The following SDK2 variants were observed in gnomAD, a reference collection of about 807,000 sequenced individuals.
The protein encoded by SDK2 is protein sidekick-2.
Under a neutral mutation model 253.9 loss-of-function variants are expected in SDK2, and 105 were observed. That is an observed-to-expected ratio of 0.41 (90% CI 0.35 to 0.49). The LOEUF is 0.49. SDK2 is among the 20% of genes least tolerant of loss of function. The pLI, the probability that SDK2 is intolerant of heterozygous loss-of-function variation, is 0.06. For synonymous variants in SDK2, 1,249 were observed against 1,234.9 expected (o/e 1.01, Z -0.24); for missense variants, 2,608 against 3,003.0 (o/e 0.87, Z 3.07).
At position 73,379,401 on chromosome 17, in the gene SDK2, G is replaced by A; in HGVS notation, c.4864+47C>T. 6.5e-7 allele frequency: 1 copy of A among 1,539,320 alleles called. No homozygotes were observed. Among genetic ancestry groups the A allele is most frequent in the Non-Finnish European group, 8.9e-7 (1 of 1,123,736 alleles). ...CCGTTTCTTCCAGCTGAACTGGGTG[G>A]GGCTGGGAAAGGCATGCTGGGGCCG... is the stretch of plus-strand genomic sequence containing the variant. On this transcript the variant is annotated intron_variant, in intron 35 of 44. Coordinates refer to ENST00000392650, the MANE Select transcript of SDK2 (RefSeq NM_001144952.2). The surrounding 1 kb of genome is among the most constrained non-coding windows in gnomAD (Gnocchi z 4.5).
At chr17:73,562,513 C>A (rs2045251444) in intron 1 of SDK2, among the ~76,000 whole-genome samples, 1 of 152,084 alleles carries the variant, frequency 6.6e-6, no homozygotes, top group African/African-American at 2.4e-5. Context: ...CACGTGGAAT[C>A]TGGGGGAACA....
At chr17:73,603,936 A>C (rs2045874230) in intron 1 of SDK2, among the ~76,000 whole-genome samples, 1 of 152,206 alleles carries the variant, frequency 6.6e-6, no homozygotes, top group African/African-American at 2.4e-5. Flanking sequence ...CCTGGAGAAG[A>C]GGTGTCATAA....
At chr17:73,503,892 T>C (rs2063910045) in intron 2 of SDK2, among the ~76,000 whole-genome samples, 1 of 152,176 alleles carries the variant, frequency 6.6e-6, no homozygotes, top group Non-Finnish European at 1.5e-5. Flanking sequence ...TACTCAGAAA[T>C]CAGGCAGCTA....
intron 1 of SDK2, among the ~76,000 whole-genome samples, chr17:73,597,649 C>CTTT (rs762635491): frequency 7.0e-6 from 1 of 142,434 alleles, no homozygotes; most frequent in Non-Finnish European, 1.5e-5. Context: ...ATTTTCTTTT[C>CTTT]TTTTTTTTTT....
chr17:73,399,370 G>T (rs1166644169), intron 21 of SDK2, 81 bp from the exon 22 acceptor site: 11 of 1,444,336 alleles, frequency 7.6e-6, no homozygotes, highest in Non-Finnish European at 9.6e-6. Context: ...GGCATGGAGG[G>T]GGCTGTGTGT....
chr17:73,384,739 C>T (rs67818535), intron 32 of SDK2, among the ~76,000 whole-genome samples: 26,516 of 152,178 alleles, frequency 0.17, 2,635 homozygotes, highest in Middle Eastern at 0.28. Context: ...TCGTGTGAAG[C>T]TGGGAGGCGG....
chr17:73,379,607 G>C lies in SDK2; in HGVS notation c.4763-58C>G. On this transcript the variant is annotated intron_variant, in intron 34 of 44. Coordinates refer to ENST00000392650, the MANE Select transcript of SDK2 (RefSeq NM_001144952.2). This position sits in a 1 kb window ranked among gnomAD's most constrained non-coding sequence, Gnocchi z 4.5. ...TGAGGTCACCGTCATTGCTGGGAAGGTGTCCCCAGGGAGGGTGGAGGCTGC... is the reference window on the plus strand; with the variant it reads ...TGAGGTCACCGTCATTGCTGGGAAGCTGTCCCCAGGGAGGGTGGAGGCTGC... The C allele has an allele frequency of 1.8e-6, 2 of 1,081,764 alleles. No individual in the cohort carries two copies. The highest frequency in any genetic ancestry group is 2.8e-6 in the Non-Finnish European group (2 of 720,934). The allele number at this position is 1,081,764 out of a possible 1,614,324, so 67.0% of individuals were successfully genotyped here. A position where few individuals can be genotyped will look rare whatever the true frequency, so the allele number is the denominator to read the frequency against.
chr17:73,387,955 C>T lies in SDK2; in HGVS notation c.4275G>A (p.Gly1425=). Residue 1425 remains glycine, a synonymous_variant, in exon 30 of 45, where the codon GGG becomes GGA. Transcript: ENST00000392650. The stretch of plus-strand genomic sequence containing the variant: ...AGCGCACAGGGGAGAGCCCGTCGCT[C>T]CCTGGCTCCCAGGACAGCAGCACGC... ...ARSVLLSWEP[G]SDGLSPVRYY... The T allele has an allele frequency of 1.9e-6, 3 of 1,575,382 alleles. No homozygotes were observed. In the South Asian group the frequency reaches 3.5e-5, roughly 18 times the overall value.
chr17:73,553,959 T>C (rs1237206191), intron 1 of SDK2, among the ~76,000 whole-genome samples: 1 of 152,036 alleles, frequency 6.6e-6, no homozygotes, highest in African/African-American at 2.4e-5. Context: ...CTTCTTCCCA[T>C]TGAGGAGAGG....
chr17:73,542,993 A>C (rs768242200), intron 1 of SDK2, among the ~76,000 whole-genome samples: 1 of 152,046 alleles, frequency 6.6e-6, no homozygotes, highest in Non-Finnish European at 1.5e-5. Context: ...GGGCCACACA[A>C]GTTCTAGGCC....
In SDK2 at chr17:73,447,261, A is replaced by C. The variant is rs894597583; in HGVS notation, c.613+354T>G. ...CAATCACCCACATGCCCTCCTGGTC[A>C]GCATCTGAGCCCCGATAGTGGCTGC... On this transcript the variant is annotated intron_variant, in intron 5 of 44. Transcript: ENST00000392650. This position sits in a 1 kb window ranked among gnomAD's most constrained non-coding sequence, Gnocchi z 4.0. 6.6e-6 allele frequency among the ~76,000 whole-genome samples: 1 copy of C among 152,030 alleles called. No individual in the cohort carries two copies. The highest frequency in any genetic ancestry group is 2.4e-5 in the African/African-American group (1 of 41,394).
intron 1 of SDK2, among the ~76,000 whole-genome samples, chr17:73,599,327 T>A (rs1209143133): frequency 5.3e-5 from 8 of 150,948 alleles, no homozygotes; most frequent in Admixed American, 4.0e-4. Flanking sequence ...AGGTCAGGAG[T>A]TCAAGACCAG....
In SDK2 at chr17:73,499,859, CTG is replaced by C. The variant is rs59872387; in HGVS notation, c.224+7577_224+7578del. Among the ~76,000 whole-genome samples, 541 of 145,696 alleles carry C rather than the reference CTG, an allele frequency of 3.7e-3. 5 individuals are homozygous for C. The highest frequency in any genetic ancestry group is 0.013 in the East Asian group (65 of 4,908). ...TGCATGCCCAATTATGCATGGGAAT[CTG>C]TGTGTGTGTGTGTGTGTGTGTGTGT... On this transcript the variant is annotated intron_variant, in intron 2 of 44. Coordinates refer to ENST00000392650, the MANE Select transcript of SDK2 (RefSeq NM_001144952.2).
At position 73,501,234 on chromosome 17, in the gene SDK2, ATG is replaced by A. The variant is rs764388280; in HGVS notation, c.224+6202_224+6203del. 6.7e-3 allele frequency among the ~76,000 whole-genome samples: 674 copies of A among 100,836 alleles called. 3 individuals carry two copies. The highest frequency in any genetic ancestry group is 1.0e-2 in the Non-Finnish European group (507 of 50,732). 66.2% of individuals were successfully genotyped at this position (100,836 alleles called of 152,430 possible). A position where few individuals can be genotyped will look rare whatever the true frequency, so the allele number is the denominator to read the frequency against. On this transcript the variant is annotated intron_variant, in intron 2 of 44. Transcript: ENST00000392650. ...CATACACACACAAACACATACATGC[ATG>A]TGCATGCACACACACACACACACAT...
Position 73,379,359 on chromosome 17 carries a change from G to GTGGGGGGGT in SDK2, c.4865-68_4865-67insACCCCCCCA. On this transcript the variant is annotated intron_variant, in intron 35 of 44. Coordinates refer to ENST00000392650, the MANE Select transcript of SDK2 (RefSeq NM_001144952.2). The surrounding 1 kb of genome is among the most constrained non-coding windows in gnomAD (Gnocchi z 4.5). ...CTGGGAGGGGAGGTGGGCTGGGCGG[G>GTGGGGGGGT]ATGGGGAGCCCAGATCCCGTTTCTT... The GTGGGGGGGT allele has an allele frequency of 1.5e-6, 1 of 656,594 alleles. No homozygotes were observed. Among genetic ancestry groups the GTGGGGGGGT allele is most frequent in the Non-Finnish European group, 2.6e-6 (1 of 380,044 alleles). 40.7% of individuals were successfully genotyped at this position (656,594 alleles called of 1,614,324 possible).
At chr17:73,502,362 G>T (rs2063897356) in intron 2 of SDK2, among the ~76,000 whole-genome samples, 1 of 152,132 alleles carries the variant, frequency 6.6e-6, no homozygotes, top group African/African-American at 2.4e-5. Flanking sequence ...GGAGAGCCGT[G>T]GGCTATGAAG....
chr17:73,546,520 G>A (rs1342361719), intron 1 of SDK2, among the ~76,000 whole-genome samples: 1 of 152,198 alleles, frequency 6.6e-6, no homozygotes, highest in Non-Finnish European at 1.5e-5. Flanking sequence ...CCACACTGCA[G>A]CCCAGTCACC....
rs2063135010 is a variant in SDK2, at chr17:73,412,025, T to TATATATCTAC, written c.2484+2618_2484+2619insGTAGATATAT. On this transcript the variant is annotated intron_variant, in intron 18 of 44. Coordinates refer to ENST00000392650, the MANE Select transcript of SDK2 (RefSeq NM_001144952.2). ...ACATATATATGTAGATATACGTATA[T>TATATATCTAC]GTATATATACGTATATATATGTATA... Among the ~76,000 whole-genome samples, 4 of 49,056 alleles carry TATATATCTAC rather than the reference T, an allele frequency of 8.2e-5. No homozygotes were observed. In the East Asian group the frequency reaches 1.4e-3, roughly 18 times the overall value. The allele number at this position is 49,056 out of a possible 152,430, so 32.2% of individuals were successfully genotyped here. A position where few individuals can be genotyped will look rare whatever the true frequency, so the allele number is the denominator to read the frequency against.
intron 1 of SDK2, among the ~76,000 whole-genome samples, chr17:73,640,829 C>T (rs1183673987): frequency 6.6e-6 from 1 of 152,198 alleles, no homozygotes; most frequent in African/African-American, 2.4e-5. Context: ...GTTCTCCCCC[C>T]AGGCATGATT....
Sources: gnomAD v4.1 joint callset for allele counts (sites outside exome capture counted in the v4.1 genomes callset) on GRCh38, gnomAD v4.1.1 for gene constraint, Gnocchi (gnomAD v3.1) non-coding constraint, MANE v1.5 for transcripts, NCBI Gene and HGNC (gene_info 2026-07-23, HGNC 2026-07-21) for gene names.